Variants in SLC7A1 observed in about 807,000 individuals in gnomAD.
SLC7A1 encodes solute carrier family 7 member 1, also known as high affinity cationic amino acid transporter 1.
A neutral mutation model predicts 53.9 loss-of-function variants in SLC7A1; 10 were observed. The ratio of observed to expected loss-of-function variants is 0.19; its 90% CI spans 0.11 to 0.31. The LOEUF is 0.31. Ranked by LOEUF, SLC7A1 falls within the 10% of genes least tolerant of loss-of-function variation. The pLI, the probability that SLC7A1 is intolerant of heterozygous loss-of-function variation, is 1.00. For missense variants in SLC7A1, 525 were observed against 827.2 expected (o/e 0.63, Z 4.48); for synonymous variants, 342 against 338.7 (o/e 1.01, Z -0.11).
At chr13:29,574,166 A>G (rs1871311574) in intron 1 of SLC7A1, among the ~76,000 whole-genome samples, 1 of 152,210 alleles carries the variant, frequency 6.6e-6, no homozygotes, top group East Asian at 1.9e-4. Flanking sequence ...TTTTAGTAGA[A>G]TAGTAGGAGC....
rs538934310 is a variant in SLC7A1, at chr13:29,555,357, C to CAAAAAAAAAAAA, written c.-114-1509_-114-1498dup. ...TGGGCGACAGAGCGAGACTCCGTCT[C>CAAAAAAAAAAAA]AAAAAAAAAAAAAAAAAAAAAAAAG... On this transcript the variant is annotated intron_variant, in intron 1 of 12. Transcript: ENST00000380752. 2.5e-3 allele frequency among the ~76,000 whole-genome samples: 47 copies of CAAAAAAAAAAAA among 18,768 alleles called. 1 individual carries two copies. Among genetic ancestry groups the CAAAAAAAAAAAA allele is most frequent in the African/African-American group, 3.9e-3 (27 of 6,978 alleles). The allele number at this position is 18,768 out of a possible 152,430, so 12.3% of individuals were successfully genotyped here.
At chr13:29,570,380 C>T (rs1210922512) in intron 1 of SLC7A1, among the ~76,000 whole-genome samples, 4 of 152,242 alleles carry the variant, frequency 2.6e-5, no homozygotes, top group East Asian at 1.9e-4. Context: ...GCCCTGCCCT[C>T]GCTGTGTGAA....
At chr13:29,521,558 G>C (rs1295779898) in intron 8 of SLC7A1, among the ~76,000 whole-genome samples, 1 of 152,178 alleles carries the variant, frequency 6.6e-6, no homozygotes, top group Non-Finnish European at 1.5e-5. Context: ...CTGCCTTTTG[G>C]GGCTACGAAA....
At chr13:29,563,407 A>T (rs1345203874) in intron 1 of SLC7A1, among the ~76,000 whole-genome samples, 4 of 152,272 alleles carry the variant, frequency 2.6e-5, no homozygotes, top group Non-Finnish European at 4.4e-5. Flanking sequence ...AATATTAAAA[A>T]TTACAAATAT....
At position 29,580,917 on chromosome 13, in the gene SLC7A1, C is replaced by T. The variant is rs185505268; in HGVS notation, c.-115+14499G>A. Among the ~76,000 whole-genome samples, 438 of 152,278 alleles carry T rather than the reference C, an allele frequency of 2.9e-3. 3 individuals carry two copies. Among genetic ancestry groups the T allele is most frequent in the African/African-American group, 0.01 (416 of 41,560 alleles). ...CTACCCAAAGTCACAGGGTAAACTG[C>T]AAGTGCCCTCTATCCCCTGAACCCC... On this transcript the variant is annotated intron_variant, in intron 1 of 12. Transcript: ENST00000380752.
intron 2 of SLC7A1, among the ~76,000 whole-genome samples, chr13:29,542,823 G>A (rs1435801537): frequency 3.3e-5 from 5 of 151,368 alleles, no homozygotes; most frequent in African/African-American, 4.8e-5. Flanking sequence ...AAAACCAATC[G>A]TCCACTTGTG....
intron 9 of SLC7A1, 140 bp from the exon 10 acceptor site, chr13:29,517,930 A>G (rs1868433252): frequency 1.5e-6 from 1 of 672,224 alleles, no homozygotes; most frequent in East Asian, 2.7e-5. Flanking sequence ...CAAATGCTGC[A>G]TTGTAGATAG....
intron 1 of SLC7A1, among the ~76,000 whole-genome samples, chr13:29,565,886 A>G (rs758385768): frequency 1.8e-4 from 27 of 152,144 alleles, no homozygotes; most frequent in Non-Finnish European, 3.7e-4. Context: ...CAGCATCTAT[A>G]CAGAGAAGGG....
intron 8 of SLC7A1, among the ~76,000 whole-genome samples, chr13:29,520,336 G>A (rs1301484430): frequency 6.6e-6 from 1 of 152,130 alleles, no homozygotes; most frequent in Non-Finnish European, 1.5e-5. Flanking sequence ...ACAGTGCTGG[G>A]TGATAAAGAA....
chr13:29,581,913 A>T (rs1871663897), intron 1 of SLC7A1, among the ~76,000 whole-genome samples: 1 of 152,222 alleles, frequency 6.6e-6, no homozygotes, highest in Non-Finnish European at 1.5e-5. Flanking sequence ...CAACACATTT[A>T]TGTGCAACCT....
intron 1 of SLC7A1, among the ~76,000 whole-genome samples, chr13:29,561,503 G>C (rs1870754299): frequency 6.6e-6 from 1 of 152,202 alleles, no homozygotes; most frequent in Non-Finnish European, 1.5e-5. Context: ...TCAGAGTGTT[G>C]TAAAAAGAGG....
chr13:29,549,310 C>A (rs1870068360), intron 2 of SLC7A1, among the ~76,000 whole-genome samples: 1 of 152,180 alleles, frequency 6.6e-6, no homozygotes, highest in Non-Finnish European at 1.5e-5. Context: ...AACAAGGCAG[C>A]CCAGGATGCG....
At chr13:29,562,670 A>C (rs1870812015) in intron 1 of SLC7A1, among the ~76,000 whole-genome samples, 1 of 152,186 alleles carries the variant, frequency 6.6e-6, no homozygotes, top group African/African-American at 2.4e-5. Context: ...GTATTCTCCT[A>C]ATTTCTAATA....
rs556928411 is a variant in SLC7A1, at chr13:29,510,584, A to C, written c.*3896T>G. On this transcript the variant is annotated 3_prime_UTR_variant, in exon 13 of 13. Transcript: ENST00000380752. ...CAGGCGAACTCTGCATCAGTTCCAC[A>C]TATAAGCCTCACGCCCCCACCACCC... The C allele has an allele frequency of 6.6e-6, 1 of 152,286 alleles. No homozygotes were observed. The highest frequency in any genetic ancestry group is 2.1e-4 in the South Asian group (1 of 4,834). The allele number at this position is 152,286 out of a possible 1,614,324, so 9.4% of individuals were successfully genotyped here. A position where few individuals can be genotyped will look rare whatever the true frequency, so the allele number is the denominator to read the frequency against.
chr13:29,552,256 GAC>G (rs561264192), intron 2 of SLC7A1, among the ~76,000 whole-genome samples: 3 of 122,730 alleles, frequency 2.4e-5, no homozygotes, highest in Non-Finnish European at 5.0e-5. Flanking sequence ...CACACACACA[GAC>G]ACACACACAC....
rs1348693070 is a variant in SLC7A1 at position 29,509,920 on chromosome 13, CTT to C, written c.*4558_*4559del. 1 of 152,574 alleles carries C rather than the reference CTT, an allele frequency of 6.6e-6. No individual in the cohort carries two copies. The highest frequency in any genetic ancestry group is 2.4e-5 in the African/African-American group (1 of 41,414). 9.5% of individuals were successfully genotyped at this position (152,574 alleles called of 1,614,324 possible). ...TGAAAGGCACAACTTAAGCAGGAAACTTATCATCTTAAATATATATTATAACT... is the reference window on the plus strand; with the variant it reads ...TGAAAGGCACAACTTAAGCAGGAAACATCATCTTAAATATATATTATAACT... On this transcript the variant is annotated 3_prime_UTR_variant, in exon 13 of 13. Transcript: ENST00000380752.
intron 1 of SLC7A1, among the ~76,000 whole-genome samples, chr13:29,576,722 G>GA (rs755917367): frequency 6.6e-4 from 98 of 148,054 alleles, no homozygotes; most frequent in African/African-American, 1.8e-3. Context: ...GAATGAGGAG[G>GA]AAAAAAAAAA....
chr13:29,580,679 G>A (rs1044880938), intron 1 of SLC7A1, among the ~76,000 whole-genome samples: 2 of 152,162 alleles, frequency 1.3e-5, no homozygotes, highest in African/African-American at 4.8e-5. Context: ...GGGCCCAACT[G>A]CGAAGTTTCA....
Position 29,514,423 on chromosome 13 carries a change from G to A in SLC7A1, c.*57C>T. On this transcript the variant is annotated 3_prime_UTR_variant, in exon 13 of 13. Transcript: ENST00000380752. ...TGGTGGGGAGGGTGGGGTGCCTCCCGGTCCTCTGGGGGCGTCCCTCGGGGC... is the reference window on the plus strand; with the variant it reads ...TGGTGGGGAGGGTGGGGTGCCTCCCAGTCCTCTGGGGGCGTCCCTCGGGGC... 6.0e-6 allele frequency: 8 copies of A among 1,338,666 alleles called. No individual in the cohort carries two copies. The highest frequency in any genetic ancestry group is 2.4e-5 in the South Asian group (2 of 84,540). The allele number at this position is 1,338,666 out of a possible 1,614,324, so 82.9% of individuals were successfully genotyped here. A position where few individuals can be genotyped will look rare whatever the true frequency, so the allele number is the denominator to read the frequency against.
Sources: gnomAD v4.1 joint callset for allele counts (sites outside exome capture counted in the v4.1 genomes callset) on GRCh38, gnomAD v4.1.1 for gene constraint, MANE v1.5 for transcripts, NCBI Gene and HGNC (gene_info 2026-07-23, HGNC 2026-07-21) for gene names.